CHODL: variants seen among roughly 807,000 people sequenced by gnomAD.
The protein encoded by CHODL is transmembrane protein MT75.
CHODL carries 29 observed loss-of-function variants against 34.5 expected under a neutral mutation model. The ratio of observed to expected loss-of-function variants is 0.84; its 90% CI spans 0.63 to 1.15. The LOEUF (loss-of-function observed/expected upper bound fraction) is 1.15. Ranked by LOEUF, CHODL falls within the 50% of genes most tolerant of loss-of-function variation. The pLI is 0.00. For synonymous variants in CHODL, 125 were observed against 116.1 expected (o/e 1.08, Z -0.49); for missense variants, 332 against 332.5 (o/e 1.00, Z 0.01).
intron 2 of CHODL, among the ~76,000 whole-genome samples, chr21:18,127,105 A>G (rs1005420115): frequency 6.6e-6 from 1 of 152,322 alleles, no homozygotes; most frequent in African/African-American, 2.4e-5. Context: ...TATTGAAGAG[A>G]TACCAAGGGA....
chr21:18,132,168 G>A (rs1339169116), intron 2 of CHODL, among the ~76,000 whole-genome samples: 1 of 151,900 alleles, frequency 6.6e-6, no homozygotes, highest in Non-Finnish European at 1.5e-5. Context: ...GCCGTGTGGG[G>A]TTTTGACCAT....
intron 2 of CHODL, among the ~76,000 whole-genome samples, chr21:18,220,695 GT>G (rs75523177): frequency 0.031 from 4,568 of 147,192 alleles, 177 homozygotes; most frequent in African/African-American, 0.094. Flanking sequence ...TTGGCTCACA[GT>G]TTTTTTTTTT....
intron 2 of CHODL, among the ~76,000 whole-genome samples, chr21:18,107,329 T>G (rs1384626264): frequency 6.6e-6 from 1 of 152,192 alleles, no homozygotes; most frequent in Non-Finnish European, 1.5e-5. Context: ...GCAGTCTGGC[T>G]GAACTTTTTG....
chr21:18,187,987 G>T (rs923438346), intron 2 of CHODL, among the ~76,000 whole-genome samples: 1 of 152,124 alleles, frequency 6.6e-6, no homozygotes, highest in Non-Finnish European at 1.5e-5. Flanking sequence ...AGATTAGTGA[G>T]TTTGGAATGA....
chr21:18,210,997 A>G (rs1236909032), intron 2 of CHODL, among the ~76,000 whole-genome samples: 4 of 152,154 alleles, frequency 2.6e-5, no homozygotes, highest in African/African-American at 9.7e-5. Context: ...TTCCAGCTAC[A>G]CATTACTTTT....
In CHODL at chr21:17,981,687, A is replaced by T. The variant is rs546761254; in HGVS notation, c.-144-46185A>T. 1.3e-5 allele frequency among the ~76,000 whole-genome samples: 2 copies of T among 152,292 alleles called. 1 individual carries two copies. The highest frequency in any genetic ancestry group is 4.1e-4 in the South Asian group (2 of 4,822). On this transcript the variant is annotated intron_variant, in intron 1 of 6. Coordinates refer to the CHODL transcript ENST00000400127. ...TGGATAGACAGAGAGAAACTCATGG[A>T]TGTAATTCACAGTTAGGGGTTATGT...
chr21:18,044,281 T>C (rs1032683300), intron 2 of CHODL, among the ~76,000 whole-genome samples: 1 of 152,018 alleles, frequency 6.6e-6, no homozygotes, highest in Non-Finnish European at 1.5e-5. Flanking sequence ...CACATACAAA[T>C]GCTCTTGTAT....
chr21:18,190,681 A>T (rs1025807462), intron 2 of CHODL, among the ~76,000 whole-genome samples: 3 of 152,148 alleles, frequency 2.0e-5, no homozygotes, highest in African/African-American at 7.2e-5. Flanking sequence ...AAGTTGAGAC[A>T]TTTCCTCTCT....
At chr21:18,092,189 G>T (rs1249668390) in intron 2 of CHODL, among the ~76,000 whole-genome samples, 1 of 150,910 alleles carries the variant, frequency 6.6e-6, no homozygotes, top group East Asian at 1.9e-4. Flanking sequence ...TTGTGAGAAA[G>T]TAAGGGGAAA....
intron 2 of CHODL, among the ~76,000 whole-genome samples, chr21:18,182,378 T>C (rs1357967280): frequency 1.3e-5 from 2 of 152,180 alleles, no homozygotes; most frequent in African/African-American, 4.8e-5. Flanking sequence ...TCCACTGGCA[T>C]AAAAAGTCTT....
intron 1 of CHODL, among the ~76,000 whole-genome samples, chr21:18,005,777 A>G (rs978236763): frequency 6.6e-6 from 1 of 152,180 alleles, no homozygotes; most frequent in Non-Finnish European, 1.5e-5. Context: ...TAGCTCCCGA[A>G]CAATGAGCAC....
At chr21:18,237,906 A>G (rs911104484) in intron 2 of CHODL, among the ~76,000 whole-genome samples, 2 of 152,162 alleles carry the variant, frequency 1.3e-5, no homozygotes, top group African/African-American at 4.8e-5. Context: ...GAGATGGACA[A>G]ACATTAAATA....
At chr21:18,141,937 C>T (rs2072808894) in intron 2 of CHODL, among the ~76,000 whole-genome samples, 3 of 152,032 alleles carry the variant, frequency 2.0e-5, no homozygotes. Flanking sequence ...CGGTGCTTCA[C>T]TTAAAACTTG....
At chr21:18,079,996 C>T (rs2064921724) in intron 2 of CHODL, among the ~76,000 whole-genome samples, 1 of 152,054 alleles carries the variant, frequency 6.6e-6, no homozygotes, top group African/African-American at 2.4e-5. Flanking sequence ...CTGCCAACAT[C>T]TATTGTTTTC....
At chr21:17,920,624 TAA>T (rs1271880119) in intron 1 of CHODL, among the ~76,000 whole-genome samples, 1 of 152,212 alleles carries the variant, frequency 6.6e-6, no homozygotes, top group Non-Finnish European at 1.5e-5. Context: ...TTGTAAGGAT[TAA>T]ACAAGAAAAT....
intron 2 of CHODL, among the ~76,000 whole-genome samples, chr21:18,203,872 G>A (rs546467458): frequency 6.6e-6 from 1 of 152,228 alleles, no homozygotes; most frequent in African/African-American, 2.4e-5. Flanking sequence ...ATACATGGCT[G>A]TGATTGATCA....
intron 2 of CHODL, among the ~76,000 whole-genome samples, chr21:18,031,780 A>G (rs1173988057): frequency 1.3e-5 from 2 of 152,124 alleles, no homozygotes; most frequent in South Asian, 4.1e-4. Flanking sequence ...TTACACTATT[A>G]GAGAATCCAT....
chr21:18,128,491 C>A lies in CHODL; in HGVS notation c.-45+100520C>A, dbSNP rs368030811. Among the ~76,000 whole-genome samples the A allele has an allele frequency of 4.9e-4, 74 of 151,966 alleles. 1 individual carries two copies. The South Asian group carries it at 0.014, about 28-fold the overall frequency. On this transcript the variant is annotated intron_variant, in intron 2 of 6. Transcript: ENST00000400127. ...AAAATGACTCATTCCATTAAGGAAA[C>A]TTCAATAAAATTAACAGTCTATGGT...
intron 2 of CHODL, among the ~76,000 whole-genome samples, chr21:18,041,488 T>C (rs1311112138): frequency 6.6e-6 from 1 of 151,936 alleles, no homozygotes; most frequent in African/African-American, 2.4e-5. Flanking sequence ...TTGTTAAACA[T>C]CATTTTATTA....
Sources: allele counts gnomAD v4.1 joint callset (sites outside exome capture counted in the v4.1 genomes callset), GRCh38; gene constraint gnomAD v4.1.1; transcripts MANE v1.5; gene names NCBI Gene and HGNC (gene_info 2026-07-23, HGNC 2026-07-21).